The following WWOX variants were observed in gnomAD, a reference collection of about 807,000 sequenced individuals.
WWOX encodes WW domain-containing oxidoreductase.
WWOX carries 69 observed loss-of-function variants against 46.2 expected under a neutral mutation model. The observed-to-expected ratio is 1.49, with a 90% CI of 1.23 to 1.82. The LOEUF (loss-of-function observed/expected upper bound fraction) is 1.82. WWOX is among the 40% of genes most tolerant of loss of function. The pLI is 0.00. For missense variants in WWOX, 919 were observed against 542.6 expected (o/e 1.69, Z -6.89); for synonymous variants, 359 against 202.6 (o/e 1.77, Z -6.56).
At chr16:78,108,019 C>A (rs1027042597) in intron 1 of WWOX, among the ~76,000 whole-genome samples, 12 of 151,792 alleles carry the variant, frequency 7.9e-5, no homozygotes, top group Admixed American at 2.6e-4. Context: ...ACTTCTGCTT[C>A]CCTGGCTCAA....
At chr16:78,864,093 A>C (rs772138246) in intron 8 of WWOX, among the ~76,000 whole-genome samples, 1 of 152,172 alleles carries the variant, frequency 6.6e-6, no homozygotes, top group African/African-American at 2.4e-5. Context: ...ACCTATTTCC[A>C]GTTCTTAGGG....
intron 8 of WWOX, among the ~76,000 whole-genome samples, chr16:78,937,327 A>T (rs2045759155): frequency 6.6e-6 from 1 of 151,942 alleles, no homozygotes. Context: ...TGCTAATTTG[A>T]TACAGGTGTC....
At chr16:78,887,839 G>A (rs2044500435) in intron 8 of WWOX, among the ~76,000 whole-genome samples, 1 of 152,290 alleles carries the variant, frequency 6.6e-6, no homozygotes, top group South Asian at 2.1e-4. Context: ...GTCTCTTTAA[G>A]TGTTTAACAG....
chr16:78,462,619 A>G (rs1254046942), intron 8 of WWOX, among the ~76,000 whole-genome samples: 1 of 152,210 alleles, frequency 6.6e-6, no homozygotes, highest in Non-Finnish European at 1.5e-5. Flanking sequence ...TCCGTCTCCA[A>G]GTCGCCCTTA....
intron 8 of WWOX, among the ~76,000 whole-genome samples, chr16:78,746,454 T>C (rs1397335328): frequency 1.3e-5 from 2 of 152,132 alleles, no homozygotes; most frequent in African/African-American, 4.8e-5. Flanking sequence ...GCCATGATCA[T>C]GCCACTACAC....
rs541027147 is a variant in WWOX, at chr16:78,707,868, A to C, written c.1056+275116A>C. On this transcript the variant is annotated intron_variant, in intron 8 of 8. Transcript: ENST00000566780. ...AAATAAATAAATAAATAAATAAATA[A>C]ATAAATAAATAAATAAATAAAGTAT... 8.6e-4 allele frequency among the ~76,000 whole-genome samples: 131 copies of C among 151,534 alleles called. 4 individuals carry two copies. In the South Asian group the frequency reaches 0.02, roughly 23 times the overall value.
At chr16:78,715,545 G>A (rs4888829) in intron 8 of WWOX, among the ~76,000 whole-genome samples, 46,176 of 150,736 alleles carry the variant, frequency 0.31, 7,311 homozygotes, top group South Asian at 0.42. Context: ...GTGCAGTGGT[G>A]TGATCTTGAC....
chr16:78,336,019 G>C (rs957897341), intron 5 of WWOX, among the ~76,000 whole-genome samples: 3 of 151,978 alleles, frequency 2.0e-5, no homozygotes, highest in African/African-American at 7.3e-5. Flanking sequence ...TTGAACCTGG[G>C]AGGCAGATGT....
Position 79,093,686 on chromosome 16 carries a change from G to T in WWOX, c.1057-117922G>T, listed in dbSNP as rs372235848. 3.0e-3 allele frequency among the ~76,000 whole-genome samples: 461 copies of T among 152,294 alleles called. 2 individuals carry two copies. The highest frequency in any genetic ancestry group is 0.011 in the African/African-American group (445 of 41,554). ...CACACTTCCTGTCGAGGCACAGGCA[G>T]TGCTTCAGCCTTTTTGGTAACTTGA... is the stretch of plus-strand genomic sequence containing the variant. On this transcript the variant is annotated intron_variant, in intron 8 of 8. Coordinates refer to ENST00000566780, the MANE Select transcript of WWOX (RefSeq NM_016373.4).
chr16:79,112,858 G>T (rs913597166), intron 8 of WWOX, among the ~76,000 whole-genome samples: 1 of 152,162 alleles, frequency 6.6e-6, no homozygotes, highest in African/African-American at 2.4e-5. Context: ...TCTGAAGTGA[G>T]CCAAGTGAGA....
chr16:78,604,276 C>G lies in WWOX; in HGVS notation c.1056+171524C>G, dbSNP rs2738550. ...GGGCACCCTTCCTTATTTTCTCTACCACACCAATGCCTTCATGGTCTTACA... is the reference window on the plus strand; with the variant it reads ...GGGCACCCTTCCTTATTTTCTCTACGACACCAATGCCTTCATGGTCTTACA... On this transcript the variant is annotated intron_variant, in intron 8 of 8. Transcript: ENST00000566780. 7.9e-3 allele frequency among the ~76,000 whole-genome samples: 1,207 copies of G among 152,202 alleles called. 21 individuals are homozygous for G. The highest frequency in any genetic ancestry group is 0.013 in the Non-Finnish European group (897 of 68,016).
intron 8 of WWOX, among the ~76,000 whole-genome samples, chr16:78,439,880 A>G (rs548595011): frequency 4.9e-4 from 74 of 152,268 alleles, no homozygotes; most frequent in African/African-American, 1.8e-3. Context: ...CCTATTTGAT[A>G]AGGTCTGAAG....
At chr16:78,532,877 C>T (rs567147612) in intron 8 of WWOX, among the ~76,000 whole-genome samples, 1 of 152,178 alleles carries the variant, frequency 6.6e-6, no homozygotes, top group Non-Finnish European at 1.5e-5. Flanking sequence ...GGTGGGTACA[C>T]AGCCAAACCA....
intron 8 of WWOX, among the ~76,000 whole-genome samples, chr16:78,856,824 T>C (rs1255075264): frequency 2.0e-5 from 3 of 152,194 alleles, no homozygotes; most frequent in Non-Finnish European, 4.4e-5. Context: ...GAGGAGGTTG[T>C]GTTCTGAGAA....
At chr16:78,258,704 C>T (rs1359493154) in intron 5 of WWOX, among the ~76,000 whole-genome samples, 9 of 124,700 alleles carry the variant, frequency 7.2e-5, no homozygotes, top group Non-Finnish European at 1.5e-4. Flanking sequence ...AGATTCCTCC[C>T]TCCAAAAAAA....
At chr16:78,778,032 G>A (rs2050234395) in intron 8 of WWOX, among the ~76,000 whole-genome samples, 1 of 125,110 alleles carries the variant, frequency 8.0e-6, no homozygotes, top group Admixed American at 8.8e-5. Context: ...GTGACAGAGT[G>A]AGACTCCATC....
At chr16:78,579,628 G>A (rs1597298744) in intron 8 of WWOX, among the ~76,000 whole-genome samples, 1 of 152,302 alleles carries the variant, frequency 6.6e-6, no homozygotes, top group East Asian at 1.9e-4. Flanking sequence ...AGGTTTTGGA[G>A]TGGGAAAGTT....
At chr16:79,153,900 G>T (rs1424973471) in intron 8 of WWOX, among the ~76,000 whole-genome samples, 2 of 152,104 alleles carry the variant, frequency 1.3e-5, no homozygotes, top group Non-Finnish European at 1.5e-5. Flanking sequence ...AGGTTTGAAA[G>T]CGTTTTCCAG....
At chr16:78,834,470 G>T (rs946414319) in intron 8 of WWOX, among the ~76,000 whole-genome samples, 1 of 152,170 alleles carries the variant, frequency 6.6e-6, no homozygotes, top group African/African-American at 2.4e-5. Flanking sequence ...GAGGTGTATA[G>T]GTTGCCATCC....
Sources: gnomAD v4.1 joint callset for allele counts (sites outside exome capture counted in the v4.1 genomes callset) on GRCh38, gnomAD v4.1.1 for gene constraint, MANE v1.5 for transcripts, NCBI Gene and HGNC (gene_info 2026-07-23, HGNC 2026-07-21) for gene names.